The following CD2AP variants were observed in gnomAD, a reference collection of about 807,000 sequenced individuals.
CD2AP encodes the protein CD2-associated protein.
CD2AP carries 46 observed loss-of-function variants against 85.1 expected under a neutral mutation model. The ratio of observed to expected loss-of-function variants is 0.54; its 90% confidence interval spans 0.43 to 0.69. CD2AP has a LOEUF of 0.69. Ranked by LOEUF, CD2AP falls within the 30% of genes least tolerant of loss-of-function variation. The pLI is 0.00. For missense variants in CD2AP, 769 were observed against 729.5 expected (o/e 1.05, Z -0.62); for synonymous variants, 255 against 252.9 (o/e 1.01, Z -0.08).
chr6:47,521,506 C>T (rs563880384), intron 2 of CD2AP, among the ~76,000 whole-genome samples: 14 of 151,868 alleles, frequency 9.2e-5, no homozygotes, highest in East Asian at 5.8e-4. Context: ...GAGCCGAAAT[C>T]GCACCAGTGC....
At chr6:47,604,639 G>A (rs577503717) in intron 13 of CD2AP, among the ~76,000 whole-genome samples, 1 of 151,956 alleles carries the variant, frequency 6.6e-6, no homozygotes, top group East Asian at 1.9e-4. Context: ...TTCAAATTAC[G>A]ACATATTTTA....
chr6:47,590,578 C>T (rs1296876563), intron 11 of CD2AP, among the ~76,000 whole-genome samples: 1 of 152,056 alleles, frequency 6.6e-6, no homozygotes, highest in African/African-American at 2.4e-5. Context: ...TACAAAACCG[C>T]ATATGAGGAG....
chr6:47,586,884 G>T (rs1471896717), intron 11 of CD2AP, among the ~76,000 whole-genome samples: 4 of 152,098 alleles, frequency 2.6e-5, no homozygotes, highest in African/African-American at 4.8e-5. Context: ...GTAGATATGA[G>T]AATTTTTTTG....
rs1044619698 is a variant in CD2AP, at chr6:47,624,524, T to A, written c.*297T>A. 16 of 323,300 alleles carry A rather than the reference T, an allele frequency of 4.9e-5. No individual in the cohort carries two copies. The highest frequency in any genetic ancestry group is 9.4e-4 in the Middle Eastern group (1 of 1,062). The allele number at this position is 323,300 out of a possible 1,614,324, so 20.0% of individuals were successfully genotyped here. ...ATAAGAATGTGCACAGTAGTTTTTT[T>A]ATTGAAACTTGTATTATTTTTAAAG... On this transcript the variant is annotated 3_prime_UTR_variant, in exon 18 of 18. Coordinates refer to ENST00000359314, the MANE Select transcript of CD2AP (RefSeq NM_012120.3).
In CD2AP at chr6:47,626,153, G is replaced by A. The variant is rs1469286080; in HGVS notation, c.*1926G>A. 1 of 151,880 alleles carries A rather than the reference G, an allele frequency of 6.6e-6. No homozygotes were observed. Among genetic ancestry groups the A allele is most frequent in the Admixed American group, 6.6e-5 (1 of 15,262 alleles). 9.4% of individuals were successfully genotyped at this position (151,880 alleles called of 1,614,324 possible). On this transcript the variant is annotated 3_prime_UTR_variant, in exon 18 of 18. Coordinates refer to ENST00000359314, the MANE Select transcript of CD2AP (RefSeq NM_012120.3). ...ATTTCAGGCTGTTCTTAAAGTTTTT[G>A]TTGGTCATTTTCTCAATAGTACATG... is the stretch of plus-strand genomic sequence containing the variant.
chr6:47,608,060 CT>C, intron 15 of CD2AP, 32 bp downstream of exon 15: 1 of 1,441,198 alleles, frequency 6.9e-7, no homozygotes, highest in Non-Finnish European at 9.8e-7. Flanking sequence ...GGTTTGTTGA[CT>C]TTCTGGGATT....
intron 17 of CD2AP, among the ~76,000 whole-genome samples, chr6:47,617,327 GT>G (rs968067066): frequency 2.6e-5 from 4 of 152,090 alleles, no homozygotes; most frequent in Non-Finnish European, 4.4e-5. Flanking sequence ...TGGCTTTTCT[GT>G]TTGAGCATTC....
Position 47,624,410 on chromosome 6 carries a change from T to A in CD2AP, c.*183T>A. On this transcript the variant is annotated 3_prime_UTR_variant, in exon 18 of 18. Transcript: ENST00000359314. ...ATATATATATTTTGTTTTGCCAATA[T>A]GAAGAAAAAGAGGCCTTATTTCTTA... 3.5e-6 allele frequency: 2 copies of A among 575,178 alleles called. No homozygotes were observed. Among genetic ancestry groups the A allele is most frequent in the Admixed American group, 6.3e-5 (2 of 31,834 alleles). The allele number at this position is 575,178 out of a possible 1,614,324, so 35.6% of individuals were successfully genotyped here.
At chr6:47,529,824 C>T (rs1766824886) in intron 2 of CD2AP, among the ~76,000 whole-genome samples, 1 of 152,202 alleles carries the variant, frequency 6.6e-6, no homozygotes. Flanking sequence ...TTCAGATTGC[C>T]TACCCAGACT....
At chr6:47,562,259 A>G (rs1767882969) in intron 5 of CD2AP, among the ~76,000 whole-genome samples, 1 of 152,178 alleles carries the variant, frequency 6.6e-6, no homozygotes, top group African/African-American at 2.4e-5. Flanking sequence ...GTATAGAAAA[A>G]CCAACATGAA....
At chr6:47,557,259 C>T (rs2114067427) in intron 5 of CD2AP, among the ~76,000 whole-genome samples, 1 of 148,144 alleles carries the variant, frequency 6.8e-6, no homozygotes, top group South Asian at 2.3e-4. Context: ...CAAAAATTTT[C>T]TCCCATTCTG....
At chr6:47,561,490 G>C (rs1440618423) in intron 5 of CD2AP, among the ~76,000 whole-genome samples, 1 of 151,106 alleles carries the variant, frequency 6.6e-6, no homozygotes, top group South Asian at 2.1e-4. Flanking sequence ...TTTTTTAAGA[G>C]AGGAATAGTG....
intron 4 of CD2AP, among the ~76,000 whole-genome samples, chr6:47,552,549 C>T (rs1767554950): frequency 6.6e-6 from 1 of 152,008 alleles, no homozygotes; most frequent in Non-Finnish European, 1.5e-5. Context: ...TTTAAATTCA[C>T]TTGTTGATTG....
At chr6:47,580,952 T>G in intron 10 of CD2AP, 52 bp downstream of exon 10, 1 of 1,232,872 alleles carries the variant, frequency 8.1e-7, no homozygotes, top group Non-Finnish European at 1.2e-6. Flanking sequence ...TTTAAAATTC[T>G]AAAATGGTAA....
intron 4 of CD2AP, among the ~76,000 whole-genome samples, chr6:47,548,590 C>T: frequency 6.6e-6 from 1 of 152,014 alleles, no homozygotes. Flanking sequence ...AAAAAAGATC[C>T]AGGACCAGAC....
chr6:47,625,190 T>A lies in CD2AP; in HGVS notation c.*963T>A, dbSNP rs1484398182. 3.3e-5 allele frequency: 5 copies of A among 151,940 alleles called. No homozygotes were observed. The highest frequency in any genetic ancestry group is 1.2e-4 in the African/African-American group (5 of 41,452). The allele number at this position is 151,940 out of a possible 1,614,324, so 9.4% of individuals were successfully genotyped here. On this transcript the variant is annotated 3_prime_UTR_variant, in exon 18 of 18. Coordinates refer to ENST00000359314, the MANE Select transcript of CD2AP (RefSeq NM_012120.3). Reference sequence around the variant, plus strand: ...TCATGTTTCTCCTTCTGACTTTTAATAATGGTAATAGGAAAACAAAACCCA... The same window carrying A: ...TCATGTTTCTCCTTCTGACTTTTAAAAATGGTAATAGGAAAACAAAACCCA...
intron 3 of CD2AP, among the ~76,000 whole-genome samples, chr6:47,534,424 A>C (rs1388893774): frequency 6.6e-6 from 1 of 152,222 alleles, no homozygotes; most frequent in Non-Finnish European, 1.5e-5. Flanking sequence ...TTGTTATTTA[A>C]GGCCAAGTGC....
chr6:47,594,199 G>T (rs187682185), intron 11 of CD2AP, among the ~76,000 whole-genome samples: 12 of 152,058 alleles, frequency 7.9e-5, no homozygotes, highest in Admixed American at 7.9e-4. Flanking sequence ...TAAAGGTGGT[G>T]GTTGCGTAAC....
intron 2 of CD2AP, among the ~76,000 whole-genome samples, chr6:47,531,474 G>C (rs1330566921): frequency 6.6e-6 from 1 of 151,424 alleles, no homozygotes; most frequent in Non-Finnish European, 1.5e-5. Flanking sequence ...AGGGGAAACA[G>C]GAGGATTGTT....
Sources: allele counts gnomAD v4.1 joint callset (sites outside exome capture counted in the v4.1 genomes callset), GRCh38; gene constraint gnomAD v4.1.1; transcripts MANE v1.5; gene names NCBI Gene and HGNC (gene_info 2026-07-23, HGNC 2026-07-21).